The following ARHGEF26 variants were observed in gnomAD, a reference collection of about 807,000 sequenced individuals.
The protein encoded by ARHGEF26 is Rho guanine nucleotide exchange factor (GEF) 26.
Under a neutral mutation model 89.4 loss-of-function variants are expected in ARHGEF26, and 59 were observed. That is an observed-to-expected ratio of 0.66 (90% CI 0.54 to 0.82). ARHGEF26 has a LOEUF of 0.82. Among genes scored for constraint, ARHGEF26 ranks in the 40% least tolerant of loss-of-function variants. The pLI, the probability that ARHGEF26 is intolerant of heterozygous loss-of-function variation, is 0.00. For missense variants in ARHGEF26, 1,234 were observed against 1,085.6 expected (o/e 1.14, Z -1.92); for synonymous variants, 500 against 428.4 (o/e 1.17, Z -2.06).
intron 6 of ARHGEF26, among the ~76,000 whole-genome samples, chr3:154,175,567 T>C (rs1039137292): frequency 2.6e-5 from 4 of 152,236 alleles, no homozygotes; most frequent in African/African-American, 9.6e-5. Context: ...TAAATCATAC[T>C]TACTTTTTCA....
chr3:154,222,889 G>T (rs567446999), intron 10 of ARHGEF26, among the ~76,000 whole-genome samples: 2 of 152,252 alleles, frequency 1.3e-5, no homozygotes, highest in South Asian at 4.1e-4. Flanking sequence ...GCTGAAAACA[G>T]GGTGTTGAAG....
chr3:154,123,070 A>G lies in ARHGEF26; in HGVS notation c.1078A>G (p.Ile360Val), dbSNP rs574123818. 1 of 1,613,804 alleles carries G rather than the reference A, an allele frequency of 6.2e-7. No homozygotes were observed. The highest frequency in any genetic ancestry group is 8.5e-7 in the Non-Finnish European group (1 of 1,179,780). ...GGAGAAGTTTTCCAGTCTGGGAAGGATAAAGGTAAAAGTGGGCAGGAGTGT... is the reference window on the plus strand; with the variant it reads ...GGAGAAGTTTTCCAGTCTGGGAAGGGTAAAGGTAAAAGTGGGCAGGAGTGT... The part of the protein sequence containing the change: ...DKEKFSSLGR[I>V]KKKMLKGQGT... Residue 360 changes from isoleucine to valine, a missense_variant, in exon 2 of 15, where the codon ATA becomes GTA. By Grantham distance (29) the Ile-to-Val change is conservative. Transcript: ENST00000465093.
At chr3:154,131,693 C>T (rs757088487) in intron 4 of ARHGEF26, among the ~76,000 whole-genome samples, 2 of 152,094 alleles carry the variant, frequency 1.3e-5, no homozygotes, top group Non-Finnish European at 2.9e-5. Context: ...GGTTTGTTAG[C>T]ACAGGCCTAA....
At chr3:154,206,772 C>T (rs1203239198) in intron 9 of ARHGEF26, among the ~76,000 whole-genome samples, 3 of 152,096 alleles carry the variant, frequency 2.0e-5, no homozygotes, top group African/African-American at 4.8e-5. Flanking sequence ...TTTTAAAATT[C>T]CTATGGAACA....
intron 6 of ARHGEF26, among the ~76,000 whole-genome samples, chr3:154,165,759 CTAAA>C (rs1321766049): frequency 1.3e-5 from 2 of 152,180 alleles, no homozygotes; most frequent in South Asian, 2.1e-4. Flanking sequence ...ATCGGAATAA[CTAAA>C]TAATCTAAAA....
At chr3:154,223,921 A>G (rs1012637881) in intron 10 of ARHGEF26, among the ~76,000 whole-genome samples, 14 of 152,134 alleles carry the variant, frequency 9.2e-5, no homozygotes, top group Admixed American at 9.2e-4. Flanking sequence ...TTGCTGCCCC[A>G]TAAAATTAGT....
intron 9 of ARHGEF26, among the ~76,000 whole-genome samples, chr3:154,209,246 T>C (rs571434853): frequency 3.3e-5 from 5 of 152,204 alleles, no homozygotes; most frequent in Non-Finnish European, 7.3e-5. Flanking sequence ...TGTGTGTTTC[T>C]CCAGGATTGG....
At position 154,256,548 on chromosome 3, in the gene ARHGEF26, T is replaced by TA. The variant is rs1474721087; in HGVS notation, c.*1102dup. 0.2 allele frequency: 128,882 copies of TA among 643,482 alleles called. 11,015 individuals are homozygous for TA. Among genetic ancestry groups the TA allele is most frequent in the East Asian group, 0.31 (1,336 of 4,284 alleles). 39.9% of individuals were successfully genotyped at this position (643,482 alleles called of 1,614,324 possible). A position where few individuals can be genotyped will look rare whatever the true frequency, so the allele number is the denominator to read the frequency against. ...GTGCCCAGCCTACTTTCTAATTAAT[T>TA]AAAAAAAAAAAAAAAAAAAAAAAAA... On this transcript the variant is annotated 3_prime_UTR_variant, in exon 15 of 15. Coordinates refer to ENST00000465093, the MANE Select transcript of ARHGEF26 (RefSeq NM_015595.4).
At chr3:154,142,638 A>C (rs546294860) in intron 4 of ARHGEF26, among the ~76,000 whole-genome samples, 1 of 152,290 alleles carries the variant, frequency 6.6e-6, no homozygotes, top group African/African-American at 2.4e-5. Context: ...TCCACTGGTC[A>C]TTTTACAAAA....
chr3:154,219,370 G>C (rs1239403202), intron 10 of ARHGEF26, among the ~76,000 whole-genome samples: 3 of 152,046 alleles, frequency 2.0e-5, no homozygotes, highest in Non-Finnish European at 4.4e-5. Context: ...CGAGGTGGGT[G>C]AATCACCTGG....
intron 12 of ARHGEF26, among the ~76,000 whole-genome samples, chr3:154,244,222 T>C (rs1559924213): frequency 6.6e-6 from 1 of 152,204 alleles, no homozygotes; most frequent in Non-Finnish European, 1.5e-5. Context: ...GAAAAACTGT[T>C]GTCACTAAAG....
chr3:154,126,732 A>G (rs1303962980), intron 3 of ARHGEF26, among the ~76,000 whole-genome samples: 1 of 152,160 alleles, frequency 6.6e-6, no homozygotes. Context: ...CACTGTGGCC[A>G]CTAGACATAC....
chr3:154,167,302 G>C (rs971741340), intron 6 of ARHGEF26, among the ~76,000 whole-genome samples: 3 of 152,174 alleles, frequency 2.0e-5, no homozygotes, highest in South Asian at 2.1e-4. Context: ...TTGTCCTTGA[G>C]ACCTGGTGGG....
chr3:154,218,126 G>A (rs1715897923), intron 10 of ARHGEF26, among the ~76,000 whole-genome samples, 168 bp downstream of exon 10: 1 of 152,118 alleles, frequency 6.6e-6, no homozygotes, highest in Non-Finnish European at 1.5e-5. Flanking sequence ...GCTTGTACCA[G>A]ACAGAGTGAC....
chr3:154,249,486 A>G (rs546923700), intron 12 of ARHGEF26, among the ~76,000 whole-genome samples: 87 of 152,350 alleles, frequency 5.7e-4, no homozygotes, highest in Non-Finnish European at 1.1e-3. Flanking sequence ...TTTAAGTTAA[A>G]AGAGTCTCTT....
At chr3:154,170,332 C>G (rs191217086) in intron 6 of ARHGEF26, among the ~76,000 whole-genome samples, 3 of 152,142 alleles carry the variant, frequency 2.0e-5, no homozygotes, top group Non-Finnish European at 4.4e-5. Flanking sequence ...CACTGCACTC[C>G]AGCCTGTGAC....
Position 154,240,436 on chromosome 3 carries a change from T to C in ARHGEF26, c.2157T>C (p.Asn719=). Residue 719 remains asparagine, a synonymous_variant, in exon 12 of 15, where the codon AAT becomes AAC. Coordinates refer to ENST00000465093, the MANE Select transcript of ARHGEF26 (RefSeq NM_015595.4). ...AGCTATTGGTGGAATCTTGTGACAA[T>C]GAAGAGCTTAATTCTTCTCCAGGGA... The part of the protein sequence containing the change: ...RDQLLVESCD[N]EELNSSPGKN... The C allele has an allele frequency of 1.9e-6, 3 of 1,613,708 alleles. No homozygotes were observed. The highest frequency in any genetic ancestry group is 2.5e-6 in the Non-Finnish European group (3 of 1,179,736).
intron 9 of ARHGEF26, among the ~76,000 whole-genome samples, chr3:154,195,711 A>T (rs1714249288): frequency 6.6e-6 from 1 of 152,176 alleles, no homozygotes; most frequent in African/African-American, 2.4e-5. Context: ...TAGAACGTCC[A>T]AGTTGGCTAA....
At chr3:154,215,453 TA>T (rs1368255555) in intron 9 of ARHGEF26, among the ~76,000 whole-genome samples, 3 of 152,088 alleles carry the variant, frequency 2.0e-5, no homozygotes, top group Non-Finnish European at 4.4e-5. Context: ...TTGTAAGTAT[TA>T]TAACCCTAGT....
Sources: allele counts gnomAD v4.1 joint callset (sites outside exome capture counted in the v4.1 genomes callset), GRCh38; gene constraint gnomAD v4.1.1; transcripts MANE v1.5; gene names NCBI Gene and HGNC (gene_info 2026-07-23, HGNC 2026-07-21).